PIP4K2A: variants seen among roughly 807,000 people sequenced by gnomAD.
The protein encoded by PIP4K2A is phosphatidylinositol 5-phosphate 4-kinase type-2 alpha.
PIP4K2A carries 14 observed loss-of-function variants against 42.9 expected under a neutral mutation model. The ratio of observed to expected loss-of-function variants is 0.33; its 90% CI spans 0.22 to 0.51. PIP4K2A has a LOEUF of 0.51. Ranked by LOEUF, PIP4K2A falls within the 20% of genes least tolerant of loss-of-function variation. The pLI, the probability that PIP4K2A is intolerant of heterozygous loss-of-function variation, is 0.97. For synonymous variants in PIP4K2A, 192 were observed against 192.2 expected (o/e 1.00, Z 0.01); for missense variants, 434 against 519.8 (o/e 0.83, Z 1.61).
Position 22,573,342 on chromosome 10 carries a change from C to T in PIP4K2A, c.608G>A (p.Arg203His), listed in dbSNP as rs185148351. The T allele has an allele frequency of 8.7e-6, 14 of 1,613,718 alleles. No homozygotes were observed. Among genetic ancestry groups the T allele is most frequent in the South Asian group, 5.5e-5 (5 of 91,056 alleles). ...VIVTRNVFSH[R>H]LSVYRKYDLK... ...GTCGTATTTCCTATACACAGACAAA[C>T]GGTGGCTGAATACATTTCTTGTAAC... The change falls in exon 5 of 10, where the codon CGT becomes CAT. Residue 203 changes from arginine (R) to histidine (H), a missense_variant. Arg to His is a conservative substitution (Grantham distance 29). This residue lies in a region of PIP4K2A where 395 missense variants were observed against 444.5 expected (regional missense o/e 0.89). Transcript: ENST00000376573.
intron 3 of PIP4K2A, among the ~76,000 whole-genome samples, 187 bp from the exon 4 acceptor site, chr10:22,591,968 T>A (rs1468687739): frequency 6.6e-6 from 1 of 152,264 alleles, no homozygotes; most frequent in Non-Finnish European, 1.5e-5. Context: ...GCCTTTCAGA[T>A]GAAATGAAAA....
At chr10:22,626,506 T>G (rs1304904234) in intron 1 of PIP4K2A, among the ~76,000 whole-genome samples, 1 of 152,268 alleles carries the variant, frequency 6.6e-6, no homozygotes, top group Non-Finnish European at 1.5e-5. Flanking sequence ...ACTACATTTC[T>G]TACATAATTT....
At chr10:22,552,480 T>C (rs1836436865) in intron 6 of PIP4K2A, among the ~76,000 whole-genome samples, 1 of 152,100 alleles carries the variant, frequency 6.6e-6, no homozygotes, top group Non-Finnish European at 1.5e-5. Context: ...CACCCCCCAT[T>C]CCCACAAACC....
rs1040722672 is a variant in PIP4K2A, at chr10:22,535,763, T to C, written c.*1438A>G. 6 of 212,794 alleles carry C rather than the reference T, an allele frequency of 2.8e-5. No homozygotes were observed. The highest frequency in any genetic ancestry group is 3.7e-5 in the Non-Finnish European group (4 of 108,342). The allele number at this position is 212,794 out of a possible 1,614,324, so 13.2% of individuals were successfully genotyped here. Reference sequence around the variant, plus strand: ...AGAGTTGGTAGATACATGATCTAGGTTGGAAATTTATAACTTGATTAAAAA... The same window carrying C: ...AGAGTTGGTAGATACATGATCTAGGCTGGAAATTTATAACTTGATTAAAAA... On this transcript the variant is annotated 3_prime_UTR_variant, in exon 10 of 10. Transcript: ENST00000376573.
intron 6 of PIP4K2A, among the ~76,000 whole-genome samples, chr10:22,563,027 TTTGCCCTTTTACTGTGCATGAATG>T (rs1487616649): frequency 6.6e-6 from 1 of 152,178 alleles, no homozygotes; most frequent in Non-Finnish European, 1.5e-5. Context: ...TCTTTGGCCA[TTTGCCCTTTTACTGTGCATGAATG>T]AAGGTACATT....
At chr10:22,564,901 C>T (rs1429659252) in intron 6 of PIP4K2A, among the ~76,000 whole-genome samples, 1 of 152,204 alleles carries the variant, frequency 6.6e-6, no homozygotes, top group Admixed American at 6.5e-5. Flanking sequence ...CCTACCTGGC[C>T]TCACGAAAGC....
At chr10:22,571,273 A>C (rs1222957034) in intron 5 of PIP4K2A, among the ~76,000 whole-genome samples, 3 of 152,204 alleles carry the variant, frequency 2.0e-5, no homozygotes, top group Non-Finnish European at 2.9e-5. Context: ...TGAAGCTGCT[A>C]GGCTCCCCTG....
intron 1 of PIP4K2A, among the ~76,000 whole-genome samples, chr10:22,644,194 G>C (rs1421236036): frequency 6.6e-6 from 1 of 152,162 alleles, no homozygotes; most frequent in Non-Finnish European, 1.5e-5. Context: ...CATGCACAGA[G>C]TAGCTTGGGC....
In PIP4K2A at chr10:22,555,872, G is replaced by A. The variant is rs1305398334; in HGVS notation, c.679-5100C>T. On this transcript the variant is annotated intron_variant, in intron 6 of 9. Transcript: ENST00000376573. ...GTCTTGGGCCACACATAGAATCAGT[G>A]AACACTAATGAGAGCTGATGAGCTT... 3.4e-5 allele frequency among the ~76,000 whole-genome samples: 5 copies of A among 147,950 alleles called. No individual in the cohort carries two copies. The Admixed American group carries it at 3.4e-4, about 10-fold the overall frequency.
At position 22,601,146 on chromosome 10, in the gene PIP4K2A, AAAAAAAAAAAAAAAAAAC is replaced by A. The variant is rs1250838621; in HGVS notation, c.339+6763_339+6780del. Among the ~76,000 whole-genome samples, 100 of 134,856 alleles carry A rather than the reference AAAAAAAAAAAAAAAAAAC, an allele frequency of 7.4e-4. 2 individuals are homozygous for A. Among genetic ancestry groups the A allele is most frequent in the Non-Finnish European group, 1.2e-3 (80 of 64,002 alleles). 88.5% of individuals were successfully genotyped at this position (134,856 alleles called of 152,430 possible). A position where few individuals can be genotyped will look rare whatever the true frequency, so the allele number is the denominator to read the frequency against. On this transcript the variant is annotated intron_variant, in intron 3 of 9. Coordinates refer to ENST00000376573, the MANE Select transcript of PIP4K2A (RefSeq NM_005028.5). ...AGACTGTCTCAAAAAAAAAAAAAAA[AAAAAAAAAAAAAAAAAAC>A]AAACCAGGAACATGTCCCCAAGGCT...
intron 1 of PIP4K2A, among the ~76,000 whole-genome samples, chr10:22,684,500 T>C (rs1839723322): frequency 6.6e-6 from 1 of 152,210 alleles, no homozygotes; most frequent in Admixed American, 6.5e-5. Context: ...CTTATACATA[T>C]ATGTTCATAA....
At chr10:22,560,246 A>T (rs1214786197) in intron 6 of PIP4K2A, among the ~76,000 whole-genome samples, 1 of 152,190 alleles carries the variant, frequency 6.6e-6, no homozygotes, top group Non-Finnish European at 1.5e-5. Flanking sequence ...TGATCCGCCC[A>T]CAGTGGAAAA....
chr10:22,577,269 C>T (rs1295481035), intron 4 of PIP4K2A, among the ~76,000 whole-genome samples: 6 of 151,904 alleles, frequency 3.9e-5, no homozygotes, highest in East Asian at 3.9e-4. Flanking sequence ...GGCTTGACTT[C>T]CGGTAGCCCC....
At chr10:22,555,177 C>T (rs533699439) in intron 6 of PIP4K2A, among the ~76,000 whole-genome samples, 5 of 152,248 alleles carry the variant, frequency 3.3e-5, no homozygotes, top group African/African-American at 7.2e-5. Flanking sequence ...CAGCTTTCCA[C>T]GTAGGAGACA....
intron 2 of PIP4K2A, 113 bp from the exon 3 acceptor site, chr10:22,608,136 A>G: frequency 1.6e-6 from 1 of 644,034 alleles, no homozygotes. Context: ...CTGCCTACCA[A>G]AAGCACAGGT....
intron 1 of PIP4K2A, among the ~76,000 whole-genome samples, chr10:22,676,658 C>T (rs890943264): frequency 6.6e-6 from 1 of 152,130 alleles, no homozygotes; most frequent in Non-Finnish European, 1.5e-5. Context: ...GCTCTTCCTG[C>T]TGATGAATCA....
intron 1 of PIP4K2A, among the ~76,000 whole-genome samples, chr10:22,704,678 G>GA: frequency 7.2e-6 from 1 of 138,644 alleles, no homozygotes; most frequent in African/African-American, 2.7e-5. Flanking sequence ...AAAAGGAACA[G>GA]AAAACACGAG....
chr10:22,710,279 T>C (rs893574961), intron 1 of PIP4K2A, among the ~76,000 whole-genome samples: 2 of 152,170 alleles, frequency 1.3e-5, no homozygotes, highest in South Asian at 4.1e-4. Context: ...CATCCAGCTC[T>C]ATTACTCGGA....
At chr10:22,688,028 TA>T (rs975417933) in intron 1 of PIP4K2A, among the ~76,000 whole-genome samples, 2 of 151,974 alleles carry the variant, frequency 1.3e-5, no homozygotes, top group Admixed American at 6.6e-5. Context: ...GAAAAAGAAA[TA>T]GGGGAAAAAA....
Sources: allele counts gnomAD v4.1 joint callset (sites outside exome capture counted in the v4.1 genomes callset), GRCh38; gene constraint gnomAD v4.1.1; regional missense constraint gnomAD v4.1.1; transcripts MANE v1.5; gene names NCBI Gene and HGNC (gene_info 2026-07-23, HGNC 2026-07-21).